TYR: variants seen among roughly 807,000 people sequenced by gnomAD.
TYR encodes LB24-AB.
Under a neutral mutation model 51.5 loss-of-function variants are expected in TYR, and 58 were observed. The observed-to-expected ratio is 1.13, with a 90% CI of 0.91 to 1.40. The LOEUF is 1.40. TYR is among the 40% of genes most tolerant of loss of function. The pLI is 0.00. For missense variants in TYR, 732 were observed against 647.4 expected (o/e 1.13, Z -1.42); for synonymous variants, 263 against 235.2 (o/e 1.12, Z -1.08).
At chr11:89,228,083 T>C (rs1175962416) in intron 3 of TYR, 113 bp downstream of exon 3, 5 of 1,363,676 alleles carry the variant, frequency 3.7e-6, no homozygotes, top group Non-Finnish European at 5.2e-6. Context: ...TAGTCTATTG[T>C]CTGTGATCAG....
At chr11:89,285,762 A>C (rs962823064) in intron 4 of TYR, among the ~76,000 whole-genome samples, 6 of 151,766 alleles carry the variant, frequency 4.0e-5, no homozygotes, top group Middle Eastern at 3.2e-3. Flanking sequence ...TCTCAAAATC[A>C]AACACCAATA....
intron 2 of TYR, among the ~76,000 whole-genome samples, chr11:89,207,991 AG>A (rs1232206324): frequency 6.6e-6 from 1 of 152,192 alleles, no homozygotes; most frequent in Non-Finnish European, 1.5e-5. Context: ...TTTTAAGGCC[AG>A]GGGCGGTGGC....
chr11:89,201,723 C>T (rs1943601058), intron 2 of TYR, among the ~76,000 whole-genome samples: 1 of 152,148 alleles, frequency 6.6e-6, no homozygotes, highest in Non-Finnish European at 1.5e-5. Flanking sequence ...AAAATCACAT[C>T]ATAGTATCAT....
chr11:89,265,270 A>G (rs1199451394), intron 3 of TYR, among the ~76,000 whole-genome samples: 1 of 152,040 alleles, frequency 6.6e-6, no homozygotes, highest in Non-Finnish European at 1.5e-5. Flanking sequence ...AAAGCCTTCA[A>G]ACAAGGAGTT....
intron 2 of TYR, among the ~76,000 whole-genome samples, chr11:89,194,272 T>C (rs1473530059): frequency 6.6e-6 from 1 of 152,128 alleles, no homozygotes; most frequent in Non-Finnish European, 1.5e-5. Flanking sequence ...TCATTTTGAG[T>C]GTATCTAATA....
intron 1 of TYR, among the ~76,000 whole-genome samples, chr11:89,188,114 C>A (rs960750793): frequency 6.7e-6 from 1 of 149,340 alleles, no homozygotes; most frequent in Non-Finnish European, 1.5e-5. Context: ...ACTGTCTCAC[C>A]CACTCACACT....
intron 2 of TYR, among the ~76,000 whole-genome samples, chr11:89,207,925 T>C (rs558958491): frequency 6.6e-6 from 1 of 152,288 alleles, no homozygotes; most frequent in South Asian, 2.1e-4. Context: ...ATCAGATTTC[T>C]CTCTATTATT....
At chr11:89,259,078 G>T (rs1049251867) in intron 3 of TYR, among the ~76,000 whole-genome samples, 2 of 152,098 alleles carry the variant, frequency 1.3e-5, no homozygotes, top group Non-Finnish European at 2.9e-5. Flanking sequence ...TGAATTAACA[G>T]ATATGGAAGT....
intron 1 of TYR, among the ~76,000 whole-genome samples, chr11:89,183,013 G>A (rs111713163): frequency 9.9e-5 from 15 of 152,194 alleles, no homozygotes; most frequent in African/African-American, 3.6e-4. Context: ...AGGTAACCAT[G>A]ACGACAGCTC....
At chr11:89,270,661 T>A (rs1022344093) in intron 3 of TYR, among the ~76,000 whole-genome samples, 1 of 151,910 alleles carries the variant, frequency 6.6e-6, no homozygotes, top group Non-Finnish European at 1.5e-5. Context: ...TAGTGATTCA[T>A]AAAATGTTTA....
chr11:89,205,643 T>C (rs1471910628), intron 2 of TYR, among the ~76,000 whole-genome samples: 1 of 151,766 alleles, frequency 6.6e-6, no homozygotes, highest in Non-Finnish European at 1.5e-5. Flanking sequence ...CCAGGGAAAA[T>C]ACTCAGGAAT....
intron 3 of TYR, among the ~76,000 whole-genome samples, chr11:89,243,946 G>A (rs750083103): frequency 7.2e-5 from 11 of 151,886 alleles, no homozygotes; most frequent in East Asian, 3.9e-4. Flanking sequence ...ATATTCAAAC[G>A]CAAATATATC....
At chr11:89,198,047 G>C (rs377268229) in intron 2 of TYR, among the ~76,000 whole-genome samples, 2 of 152,060 alleles carry the variant, frequency 1.3e-5, no homozygotes, top group African/African-American at 4.8e-5. Flanking sequence ...TAAATGAGCT[G>C]TGGGCTTTAA....
At chr11:89,282,814 ATT>A (rs1944734640) in intron 3 of TYR, among the ~76,000 whole-genome samples, 1 of 151,792 alleles carries the variant, frequency 6.6e-6, no homozygotes, top group Non-Finnish European at 1.5e-5. Flanking sequence ...AGGCTTTGGC[ATT>A]TCTAAAACAG....
chr11:89,183,758 A>G (rs1450369488), intron 1 of TYR, among the ~76,000 whole-genome samples: 1 of 152,128 alleles, frequency 6.6e-6, no homozygotes, highest in Admixed American at 6.6e-5. Flanking sequence ...ATGATACATC[A>G]AAGTTAGATA....
chr11:89,269,044 G>A (rs1306382398), intron 3 of TYR, among the ~76,000 whole-genome samples: 1 of 151,838 alleles, frequency 6.6e-6, no homozygotes, highest in African/African-American at 2.4e-5. Flanking sequence ...TTTTGTATGT[G>A]TTTATCACAA....
intron 3 of TYR, among the ~76,000 whole-genome samples, chr11:89,245,127 A>AT (rs1385495818): frequency 7.9e-5 from 12 of 152,208 alleles, no homozygotes; most frequent in African/African-American, 2.9e-4. Context: ...GAATGAGTAG[A>AT]TTTTTTACTT....
At chr11:89,207,793 C>G (rs1288480248) in intron 2 of TYR, among the ~76,000 whole-genome samples, 1 of 152,114 alleles carries the variant, frequency 6.6e-6, no homozygotes, top group Non-Finnish European at 1.5e-5. Flanking sequence ...TACCAAACTG[C>G]TTCAATATGT....
At position 89,227,941 on chromosome 11, in the gene TYR, C is replaced by T; in HGVS notation, c.1155C>T (p.Ile385=). 6.2e-7 allele frequency: 1 copy of T among 1,613,530 alleles called. No individual in the cohort carries two copies. Among genetic ancestry groups the T allele is most frequent in the South Asian group, 1.1e-5 (1 of 91,076 alleles). ...SQVQGSANDP[I]FLLHHAFVDS... is the part of the protein sequence containing the mutation. ...TACAGGGATCTGCCAACGATCCTATCTTCCTTCTTCACCATGCATTTGTTG... is the reference window on the plus strand; with the variant it reads ...TACAGGGATCTGCCAACGATCCTATTTTCCTTCTTCACCATGCATTTGTTG... The change falls in exon 3 of 5, where the codon ATC becomes ATT. Residue 385 remains isoleucine, a synonymous_variant. Coordinates refer to ENST00000263321, the MANE Select transcript of TYR (RefSeq NM_000372.5).
Sources: allele counts gnomAD v4.1 joint callset (sites outside exome capture counted in the v4.1 genomes callset), GRCh38; gene constraint gnomAD v4.1.1; transcripts MANE v1.5; gene names NCBI Gene and HGNC (gene_info 2026-07-23, HGNC 2026-07-21).